Variants in CDH12 observed in about 807,000 individuals in gnomAD.
CDH12 encodes the protein cadherin-12.
Under a neutral mutation model 74.1 loss-of-function variants are expected in CDH12, and 41 were observed. The ratio of observed to expected loss-of-function variants is 0.55; its 90% CI spans 0.43 to 0.72. The LOEUF (loss-of-function observed/expected upper bound fraction) is 0.72. CDH12 is among the 30% of genes least tolerant of loss of function. The probability of loss-of-function intolerance (pLI) is 0.00; values close to 1 mark genes in which losing one functional copy is unlikely to be tolerated. For missense variants in CDH12, 945 were observed against 977.2 expected (o/e 0.97, Z 0.44); for synonymous variants, 399 against 355.0 (o/e 1.12, Z -1.39).
chr5:22,759,674 A>C (rs1237185511), intron 1 of CDH12, among the ~76,000 whole-genome samples: 1 of 152,132 alleles, frequency 6.6e-6, no homozygotes, highest in East Asian at 1.9e-4. Context: ...ATATCGGTCT[A>C]TTTTTTCTCC....
intron 2 of CDH12, among the ~76,000 whole-genome samples, chr5:22,416,852 G>A (rs987060823): frequency 6.6e-6 from 1 of 152,056 alleles, no homozygotes; most frequent in Non-Finnish European, 1.5e-5. Flanking sequence ...AGGACTGTAC[G>A]GTTTTAACTT....
At chr5:22,477,784 C>T (rs975953260) in intron 2 of CDH12, among the ~76,000 whole-genome samples, 2 of 152,090 alleles carry the variant, frequency 1.3e-5, no homozygotes, top group Admixed American at 6.5e-5. Flanking sequence ...GCAATAAGGA[C>T]GCTTAGGATT....
chr5:22,320,340 T>C (rs889009860), intron 3 of CDH12, among the ~76,000 whole-genome samples: 61 of 152,210 alleles, frequency 4.0e-4, no homozygotes, highest in African/African-American at 1.5e-3. Context: ...TCAAAGTCAC[T>C]CTGATTTTCT....
intron 1 of CDH12, among the ~76,000 whole-genome samples, chr5:22,676,204 G>C (rs1017949269): frequency 2.0e-5 from 3 of 151,750 alleles, no homozygotes; most frequent in African/African-American, 7.3e-5. Flanking sequence ...GATAAATAAG[G>C]TAATGCAATA....
At chr5:22,522,314 C>T (rs1195870907) in intron 1 of CDH12, among the ~76,000 whole-genome samples, 1 of 152,148 alleles carries the variant, frequency 6.6e-6, no homozygotes, top group East Asian at 1.9e-4. Flanking sequence ...TTTCCACTAA[C>T]AGTAAATTAA....
At chr5:22,625,492 C>T (rs563592119) in intron 1 of CDH12, among the ~76,000 whole-genome samples, 1 of 152,214 alleles carries the variant, frequency 6.6e-6, no homozygotes, top group African/African-American at 2.4e-5. Flanking sequence ...AGGATGCCAG[C>T]CTGTATGGAG....
At chr5:22,685,272 C>T (rs949277807) in intron 1 of CDH12, among the ~76,000 whole-genome samples, 5 of 152,080 alleles carry the variant, frequency 3.3e-5, no homozygotes, top group South Asian at 2.1e-4. Flanking sequence ...GAGTCTCGCC[C>T]TGTCGCCCAG....
intron 2 of CDH12, among the ~76,000 whole-genome samples, chr5:22,493,747 G>A (rs1746986503): frequency 6.6e-6 from 1 of 152,154 alleles, no homozygotes; most frequent in Non-Finnish European, 1.5e-5. Context: ...GTACTTGAAA[G>A]AAGGACAGAA....
intron 8 of CDH12, among the ~76,000 whole-genome samples, chr5:21,834,184 T>G (rs2149976159): frequency 6.6e-6 from 1 of 151,254 alleles, no homozygotes; most frequent in South Asian, 2.1e-4. Flanking sequence ...GTTTTATTTT[T>G]TATGCCCTTT....
At chr5:22,723,908 A>C (rs2126993636) in intron 1 of CDH12, among the ~76,000 whole-genome samples, 1 of 152,138 alleles carries the variant, frequency 6.6e-6, no homozygotes, top group South Asian at 2.1e-4. Flanking sequence ...ATAATAACAC[A>C]CAAACATTTC....
intron 3 of CDH12, among the ~76,000 whole-genome samples, chr5:22,403,388 A>G (rs2126453548): frequency 6.6e-6 from 1 of 152,328 alleles, no homozygotes; most frequent in Non-Finnish European, 1.5e-5. Flanking sequence ...CAGAGAATTA[A>G]TCAATCAATG....
At chr5:22,734,995 C>T (rs1334712851) in intron 1 of CDH12, among the ~76,000 whole-genome samples, 1 of 151,872 alleles carries the variant, frequency 6.6e-6, no homozygotes, top group Non-Finnish European at 1.5e-5. Flanking sequence ...GCCATCTATG[C>T]TCAGTTTAAG....
chr5:22,677,054 CAA>C (rs1303455984), intron 1 of CDH12, among the ~76,000 whole-genome samples: 1 of 151,958 alleles, frequency 6.6e-6, no homozygotes, highest in Non-Finnish European at 1.5e-5. Context: ...GAAATTCTGA[CAA>C]AAAAAGTGCA....
intron 6 of CDH12, among the ~76,000 whole-genome samples, chr5:21,894,110 G>A (rs541071677): frequency 3.3e-5 from 5 of 152,234 alleles, no homozygotes; most frequent in Middle Eastern, 3.4e-3. Context: ...TGGGCAGAGC[G>A]GTTCATGCCT....
At chr5:22,415,779 G>C (rs1304589295) in intron 2 of CDH12, among the ~76,000 whole-genome samples, 3 of 152,120 alleles carry the variant, frequency 2.0e-5, no homozygotes, top group Non-Finnish European at 4.4e-5. Context: ...TTGGTTCTAG[G>C]AGTGGGGTGC....
intron 4 of CDH12, among the ~76,000 whole-genome samples, chr5:22,110,054 A>G (rs557730272): frequency 6.6e-6 from 1 of 152,314 alleles, no homozygotes; most frequent in Middle Eastern, 3.4e-3. Context: ...TTAGTTTAAC[A>G]AGATTTGTTT....
chr5:22,765,461 T>G (rs1316078588), intron 1 of CDH12, among the ~76,000 whole-genome samples: 2 of 151,986 alleles, frequency 1.3e-5, no homozygotes, highest in Non-Finnish European at 1.5e-5. Flanking sequence ...TCTTTTGGCC[T>G]GTACAATCCA....
At chr5:21,821,856 T>G (rs1748386317) in intron 8 of CDH12, among the ~76,000 whole-genome samples, 1 of 151,970 alleles carries the variant, frequency 6.6e-6, no homozygotes, top group South Asian at 2.1e-4. Flanking sequence ...TGTGTGTGAG[T>G]GATTTACCTT....
At chr5:21,980,398 A>G (rs1236738773) in intron 5 of CDH12, among the ~76,000 whole-genome samples, 1 of 152,112 alleles carries the variant, frequency 6.6e-6, no homozygotes, top group African/African-American at 2.4e-5. Flanking sequence ...GGTAAAAAAT[A>G]AAAAAGTTAT....
Sources: allele counts gnomAD v4.1 joint callset (sites outside exome capture counted in the v4.1 genomes callset), GRCh38; gene constraint gnomAD v4.1.1; transcripts MANE v1.5; gene names NCBI Gene and HGNC (gene_info 2026-07-23, HGNC 2026-07-21).